Variants in CYP4Z1 observed in about 807,000 individuals in gnomAD.
CYP4Z1 encodes cytochrome P450 4Z1.
CYP4Z1 carries 41 observed loss-of-function variants against 54.2 expected under a neutral mutation model. The observed-to-expected ratio is 0.76, with a 90% confidence interval of 0.59 to 0.98. CYP4Z1 has a LOEUF of 0.98. CYP4Z1 is among the 50% of genes least tolerant of loss of function. The pLI is 0.00. For missense variants in CYP4Z1, 513 were observed against 599.0 expected (o/e 0.86, Z 1.50); for synonymous variants, 163 against 206.2 (o/e 0.79, Z 1.79).
At chr1:47,076,753 G>C (rs1404301947) in intron 2 of CYP4Z1, among the ~76,000 whole-genome samples, 1 of 149,210 alleles carries the variant, frequency 6.7e-6, no homozygotes, top group African/African-American at 2.5e-5. Context: ...GCTGAGGCAG[G>C]AGAATGGCGT....
chr1:47,102,986 T>G (rs571184218), intron 8 of CYP4Z1, among the ~76,000 whole-genome samples: 5 of 152,170 alleles, frequency 3.3e-5, no homozygotes, highest in Non-Finnish European at 7.4e-5. Context: ...TTTGATGGTG[T>G]CTTATATGTC....
intron 2 of CYP4Z1, 102 bp downstream of exon 2, chr1:47,068,865 TC>T (rs1281897445): frequency 6.9e-7 from 1 of 1,446,368 alleles, no homozygotes; most frequent in Non-Finnish European, 9.3e-7. Flanking sequence ...TTAAGGGAAA[TC>T]CATCATTTGA....
At position 47,087,684 on chromosome 1, in the gene CYP4Z1, A is replaced by G. The variant is rs148372793; in HGVS notation, c.772+2706A>G. Among the ~76,000 whole-genome samples, 51 of 152,260 alleles carry G rather than the reference A, an allele frequency of 3.3e-4. No homozygotes were observed. In the East Asian group the frequency reaches 9.6e-3, roughly 29 times the overall value. On this transcript the variant is annotated intron_variant, in intron 6 of 11. Transcript: ENST00000334194. The stretch of plus-strand genomic sequence containing the variant: ...CTCTTTCCCTAATTGAATGCCCTTT[A>G]TTTCTTTCTCTTGCCTGATTGCCCT...
Position 47,079,950 on chromosome 1 carries a change from G to T in CYP4Z1, c.320-673G>T, listed in dbSNP as rs145256636. Among the ~76,000 whole-genome samples the T allele has an allele frequency of 3.6e-4, 54 of 151,538 alleles. 3 individuals are homozygous for T. The highest frequency in any genetic ancestry group is 1.3e-3 in the African/African-American group (53 of 41,210). The stretch of plus-strand genomic sequence containing the variant: ...ATATCTTCTTACCCTTAGAACTCAA[G>T]GTATTTTATAGGTTCATTTCACCTG... On this transcript the variant is annotated intron_variant, in intron 2 of 11. Transcript: ENST00000334194.
chr1:47,063,319 G>A (rs958094255), upstream of CYP4Z1, among the ~76,000 whole-genome samples: 2 of 151,904 alleles, frequency 1.3e-5, no homozygotes, highest in African/African-American at 4.8e-5. Context: ...CTGGTAATAT[G>A]ACAAAACAAG....
chr1:47,106,942 G>A (rs185674434), intron 9 of CYP4Z1, among the ~76,000 whole-genome samples: 169 of 152,340 alleles, frequency 1.1e-3, no homozygotes, highest in Non-Finnish European at 1.4e-3. Flanking sequence ...GACCTATGTC[G>A]AGATGTGTTT....
At chr1:47,058,615 A>G in the CYP4Z1 span, among the ~76,000 whole-genome samples, 1 of 152,138 alleles carries the variant, frequency 6.6e-6, no homozygotes, top group Non-Finnish European at 1.5e-5. Context: ...GAGCACTGCA[A>G]TGTGGACTCG....
intron 10 of CYP4Z1, 23 bp from the exon 11 acceptor site, chr1:47,116,627 T>C (rs138638881): frequency 0.011 from 17,436 of 1,532,894 alleles, 288 homozygotes; most frequent in South Asian, 0.055. Flanking sequence ...GGATTAGGAC[T>C]GGGATCTTCA....
chr1:47,115,402 A>G, intron 9 of CYP4Z1, 127 bp from the exon 10 acceptor site: 1 of 794,560 alleles, frequency 1.3e-6, no homozygotes, highest in Non-Finnish European at 2.0e-6. Flanking sequence ...CATATGTAAC[A>G]AACCTTCATG....
At position 47,076,702 on chromosome 1, in the gene CYP4Z1, G is replaced by A. The variant is rs1274116990; in HGVS notation, c.320-3921G>A. Among the ~76,000 whole-genome samples the A allele has an allele frequency of 6.1e-3, 914 of 150,700 alleles. 12 individuals carry two copies. The highest frequency in any genetic ancestry group is 0.02 in the African/African-American group (821 of 40,960). Reference sequence around the variant, plus strand: ...CTACTAAAAATACAAAAAATTAGCCGGGAGCGGTGGCGGGCTCCTGTAGTC... The same window carrying A: ...CTACTAAAAATACAAAAAATTAGCCAGGAGCGGTGGCGGGCTCCTGTAGTC... On this transcript the variant is annotated intron_variant, in intron 2 of 11. Transcript: ENST00000334194.
At chr1:47,072,945 C>T (rs1644493066) in intron 2 of CYP4Z1, among the ~76,000 whole-genome samples, 1 of 152,086 alleles carries the variant, frequency 6.6e-6, no homozygotes, top group African/African-American at 2.4e-5. Flanking sequence ...GCAAAATACA[C>T]ATAAGGTTTG....
At chr1:47,102,728 A>T (rs1644729675) in intron 8 of CYP4Z1, among the ~76,000 whole-genome samples, 2 of 152,134 alleles carry the variant, frequency 1.3e-5, no homozygotes, top group South Asian at 4.1e-4. Flanking sequence ...TAGTGACTAG[A>T]CACTGTTCTC....
intron 11 of CYP4Z1, among the ~76,000 whole-genome samples, 199 bp downstream of exon 11, chr1:47,116,931 C>G (rs925783677): frequency 6.6e-6 from 1 of 152,170 alleles, no homozygotes; most frequent in African/African-American, 2.4e-5. Context: ...TTACAAAGAA[C>G]AACTCTGGTC....
chr1:47,105,198 G>A (rs1569749178), intron 8 of CYP4Z1, among the ~76,000 whole-genome samples: 2 of 152,182 alleles, frequency 1.3e-5, no homozygotes, highest in East Asian at 1.9e-4. Flanking sequence ...ACCAGCAGCA[G>A]CAGCCACAGC....
At chr1:47,066,535 A>G (rs988896530), upstream of CYP4Z1, among the ~76,000 whole-genome samples, 2 of 152,202 alleles carry the variant, frequency 1.3e-5, no homozygotes, top group African/African-American at 4.8e-5. Context: ...CCACATAACA[A>G]TAAACCCACA....
At chr1:47,089,632 A>G (rs1376690915) in intron 6 of CYP4Z1, among the ~76,000 whole-genome samples, 1 of 151,068 alleles carries the variant, frequency 6.6e-6, no homozygotes, top group Non-Finnish European at 1.5e-5. Flanking sequence ...CTTAATACTC[A>G]TATTCTAACC....
the CYP4Z1 span, among the ~76,000 whole-genome samples, chr1:47,059,012 A>G: frequency 1.3e-5 from 2 of 152,202 alleles, no homozygotes; most frequent in Non-Finnish European, 2.9e-5. Context: ...TATAAAAGCC[A>G]GTGAAGGATA....
chr1:47,103,446 G>A (rs1644734618), intron 8 of CYP4Z1, among the ~76,000 whole-genome samples: 1 of 151,992 alleles, frequency 6.6e-6, no homozygotes, highest in Non-Finnish European at 1.5e-5. Context: ...TCAAAGTGCT[G>A]AGGTTACAGG....
rs1263533473 is a variant in CYP4Z1, at chr1:47,099,197, T to A, written c.980T>A (p.Leu327His). The A allele has an allele frequency of 1.2e-6, 2 of 1,613,890 alleles. No individual in the cohort carries two copies. Among genetic ancestry groups the A allele is most frequent in the Non-Finnish European group, 8.5e-7 (1 of 1,179,978 alleles). ...DTTSSAISWI[L>H]YCLAKYPEHQ... ...ACATCCAGTGCTATCTCCTGGATCC[T>A]TTACTGCTTGGCAAAGTACCCTGAG... The change falls in exon 8 of 12, where the codon CTT becomes CAT. Residue 327 changes from leucine to histidine, a missense_variant. Leu to His is a moderately conservative substitution (Grantham distance 99). Coordinates refer to ENST00000334194, the MANE Select transcript of CYP4Z1 (RefSeq NM_178134.3).
Sources: allele counts gnomAD v4.1 joint callset (sites outside exome capture counted in the v4.1 genomes callset), GRCh38; gene constraint gnomAD v4.1.1; transcripts MANE v1.5; gene names NCBI Gene and HGNC (gene_info 2026-07-23, HGNC 2026-07-21).